CNNM2: variants seen among roughly 807,000 people sequenced by gnomAD.
The protein encoded by CNNM2 is cyclin and CBS domain divalent metal cation transport mediator 2, also known as metal transporter CNNM2.
Under a neutral mutation model 66.9 loss-of-function variants are expected in CNNM2, and 12 were observed. The observed-to-expected ratio is 0.18, with a 90% CI of 0.11 to 0.29. CNNM2 has a LOEUF of 0.29. Ranked by LOEUF, CNNM2 falls within the 10% of genes least tolerant of loss-of-function variation. CNNM2 has a pLI of 1.00. For synonymous variants in CNNM2, 557 were observed against 501.8 expected, an observed-to-expected ratio of 1.11 and a Z score of -1.47; for missense variants, 705 against 1,167.7, an observed-to-expected ratio of 0.60 and a Z score of 5.77.
intron 1 of CNNM2, among the ~76,000 whole-genome samples, chr10:102,932,057 C>CT (rs1460596991): frequency 6.6e-6 from 1 of 151,966 alleles, no homozygotes; most frequent in Non-Finnish European, 1.5e-5. Context: ...TGTAAGAGTT[C>CT]TTTTTATATT....
chr10:103,040,594 G>A (rs568912408), intron 1 of CNNM2, among the ~76,000 whole-genome samples: 1 of 152,278 alleles, frequency 6.6e-6, no homozygotes, highest in East Asian at 1.9e-4. Flanking sequence ...GTTGGCCGTT[G>A]GCTAGACTTG....
Position 102,920,119 on chromosome 10 carries a change from C to G in CNNM2, c.1621+18C>G, listed in dbSNP as rs749515393. 1.2e-6 allele frequency: 2 copies of G among 1,614,160 alleles called. No homozygotes were observed. The highest frequency in any genetic ancestry group is 1.7e-6 in the Non-Finnish European group (2 of 1,180,036). On this transcript the variant is annotated intron_variant, in intron 1 of 7. Transcript: ENST00000369878. ...TAAGAAAGGTGGGAAATTTTGGTCT[C>G]TTTCATTGGCTTGCTCTTTCTCTCT...
chr10:102,939,997 CAACAAA>C (rs1467238375), intron 1 of CNNM2, among the ~76,000 whole-genome samples: 8 of 141,134 alleles, frequency 5.7e-5, no homozygotes, highest in South Asian at 2.2e-4. Flanking sequence ...ACAACAACAA[CAACAAA>C]AAAAAAACCG....
Position 103,021,291 on chromosome 10 carries a change from T to G in CNNM2, c.1622-28416T>G, listed in dbSNP as rs574801468. Among the ~76,000 whole-genome samples, 3 of 151,722 alleles carry G rather than the reference T, an allele frequency of 2.0e-5. No individual in the cohort carries two copies. In the South Asian group the frequency reaches 6.3e-4, roughly 32 times the overall value. On this transcript the variant is annotated intron_variant, in intron 1 of 7. Transcript: ENST00000369878. The stretch of plus-strand genomic sequence containing the variant: ...GAGAATGTAAGGAAACCAAAGAGAG[T>G]AGAATTCCCAGAACCTTGGAAGAAT...
At chr10:102,927,131 C>G (rs572195305) in intron 1 of CNNM2, among the ~76,000 whole-genome samples, 1 of 150,778 alleles carries the variant, frequency 6.6e-6, no homozygotes, top group South Asian at 2.1e-4. Context: ...TGCGTAGTTA[C>G]TTATAAAGTG....
intron 7 of CNNM2, among the ~76,000 whole-genome samples, chr10:103,076,534 G>A (rs1330654153): frequency 2.0e-5 from 3 of 152,130 alleles, no homozygotes; most frequent in Non-Finnish European, 4.4e-5. Context: ...CAGAGATCCT[G>A]GAAAAAAGAG....
intron 1 of CNNM2, among the ~76,000 whole-genome samples, chr10:102,940,824 T>G (rs192280363): frequency 1.3e-5 from 2 of 151,820 alleles, no homozygotes; most frequent in African/African-American, 4.8e-5. Flanking sequence ...AGGGTTCAAG[T>G]GATTTTCCTG....
In CNNM2 at chr10:103,080,884, G is replaced by A. The variant is rs2065751499; in HGVS notation, c.*3704G>A. 3 of 152,224 alleles carry A rather than the reference G, an allele frequency of 2.0e-5. No individual in the cohort carries two copies. The South Asian group carries it at 6.2e-4, about 32-fold the overall frequency. The allele number at this position is 152,224 out of a possible 1,614,324, so 9.4% of individuals were successfully genotyped here. On this transcript the variant is annotated 3_prime_UTR_variant, in exon 8 of 8. Transcript: ENST00000369878. ...TTGGGTTGAGGAGCAGACCTGTATA[G>A]GCCCTGGCTGATCAAGTCTGTGTCC... is the stretch of plus-strand genomic sequence containing the variant.
chr10:102,932,805 T>C (rs1846109806), intron 1 of CNNM2, among the ~76,000 whole-genome samples: 2 of 150,882 alleles, frequency 1.3e-5, no homozygotes, highest in Non-Finnish European at 2.9e-5. Context: ...TAGTCCCAGC[T>C]GATGAGGAGG....
At chr10:103,040,591 G>A (rs1353629367) in intron 1 of CNNM2, among the ~76,000 whole-genome samples, 4 of 152,184 alleles carry the variant, frequency 2.6e-5, no homozygotes, top group Admixed American at 2.0e-4. Flanking sequence ...AGTGTTGGCC[G>A]TTGGCTAGAC....
chr10:102,987,339 G>C (rs1343123815), intron 1 of CNNM2, among the ~76,000 whole-genome samples: 1 of 151,798 alleles, frequency 6.6e-6, no homozygotes, highest in East Asian at 1.9e-4. Flanking sequence ...TTATTATTTT[G>C]AGACGGAGTC....
At chr10:102,942,271 C>G (rs1470037883) in intron 1 of CNNM2, among the ~76,000 whole-genome samples, 1 of 152,210 alleles carries the variant, frequency 6.6e-6, no homozygotes, top group African/African-American at 2.4e-5. Context: ...TTCCAGAACG[C>G]TTTTCATCTT....
chr10:102,952,114 T>C (rs976495224), intron 1 of CNNM2, among the ~76,000 whole-genome samples: 4 of 152,022 alleles, frequency 2.6e-5, no homozygotes, highest in Admixed American at 1.3e-4. Flanking sequence ...ATTTTTTAAA[T>C]TTTTTGGGAG....
intron 4 of CNNM2, among the ~76,000 whole-genome samples, chr10:103,062,189 G>C (rs12780116): frequency 6.6e-6 from 1 of 152,082 alleles, no homozygotes; most frequent in Non-Finnish European, 1.5e-5. Context: ...GCATGTGCCC[G>C]GCCCATCCAC....
intron 1 of CNNM2, among the ~76,000 whole-genome samples, chr10:102,933,788 A>C (rs1417884258): frequency 6.6e-6 from 1 of 152,154 alleles, no homozygotes; most frequent in Non-Finnish European, 1.5e-5. Context: ...TTAGTCCAGG[A>C]AGAAACGGAT....
In CNNM2 at chr10:102,918,783, C is replaced by G. The variant is rs763252939; in HGVS notation, c.303C>G (p.Val101=). 6.3e-7 allele frequency: 1 copy of G among 1,599,632 alleles called. No homozygotes were observed. The highest frequency in any genetic ancestry group is 8.5e-7 in the Non-Finnish European group (1 of 1,173,870). ...TGCGGGTGAGCGAACGGACCCGGGT[C>G]AAGCTGCGGGTGTACGGGCAGAACA... ...GALRVSERTR[V]KLRVYGQNIN... is the part of the protein sequence containing the mutation. Residue 101 remains valine, a synonymous_variant, in exon 1 of 8, where the codon GTC becomes GTG. Coordinates refer to ENST00000369878, the MANE Select transcript of CNNM2 (RefSeq NM_017649.5). This position sits in a 1 kb window ranked among gnomAD's most constrained non-coding sequence, Gnocchi z 4.1.
In CNNM2 at chr10:103,050,536, C is replaced by CAA. The variant is rs572731260; in HGVS notation, c.1765+701_1765+702dup. The stretch of plus-strand genomic sequence containing the variant: ...TGGTTAACAGAGTGAGAGTCCACCT[C>CAA]AAAAAAAAAAAAAAAAGTGAATGGG... On this transcript the variant is annotated intron_variant, in intron 2 of 7. Transcript: ENST00000369878. Among the ~76,000 whole-genome samples, 12 of 100,124 alleles carry CAA rather than the reference C, an allele frequency of 1.2e-4. No homozygotes were observed. Among genetic ancestry groups the CAA allele is most frequent in the African/African-American group, 2.3e-4 (6 of 25,984 alleles). 65.7% of individuals were successfully genotyped at this position (100,124 alleles called of 152,430 possible).
Position 103,071,745 on chromosome 10 carries a change from A to C in CNNM2, c.2168-29A>C, listed in dbSNP as rs748047678. 9.4e-6 allele frequency: 15 copies of C among 1,593,742 alleles called. No individual in the cohort carries two copies. The East Asian group carries it at 3.3e-4, about 36-fold the overall frequency. On this transcript the variant is annotated intron_variant, in intron 5 of 7. Coordinates refer to ENST00000369878, the MANE Select transcript of CNNM2 (RefSeq NM_017649.5). Reference sequence around the variant, plus strand: ...ATCTCTGTTCTTGCCTTTTGATGCGATCTCACCCTGTTTTTCTCCATTTTT... The same window carrying C: ...ATCTCTGTTCTTGCCTTTTGATGCGCTCTCACCCTGTTTTTCTCCATTTTT...
chr10:103,090,131 T>C lies in CNNM2; in HGVS notation c.*12951T>C, dbSNP rs1050495917. On this transcript the variant is annotated 3_prime_UTR_variant, in exon 8 of 8. Transcript: ENST00000369878. ...CCATATTGTCTACTGCAGCTGGAAATTGGAAAAGATGGAGAGGGGAGTTTA... is the reference window on the plus strand; with the variant it reads ...CCATATTGTCTACTGCAGCTGGAAACTGGAAAAGATGGAGAGGGGAGTTTA... The C allele has an allele frequency of 1.8e-5, 8 of 442,718 alleles. No homozygotes were observed. Among genetic ancestry groups the C allele is most frequent in the African/African-American group, 6.0e-5 (3 of 49,960 alleles). The allele number at this position is 442,718 out of a possible 1,614,324, so 27.4% of individuals were successfully genotyped here.
Sources: allele counts gnomAD v4.1 joint callset (sites outside exome capture counted in the v4.1 genomes callset), GRCh38; gene constraint gnomAD v4.1.1; non-coding constraint Gnocchi (gnomAD v3.1); transcripts MANE v1.5; gene names NCBI Gene and HGNC (gene_info 2026-07-23, HGNC 2026-07-21).